Variants in CLUAP1 observed in about 807,000 individuals in gnomAD.
The protein encoded by CLUAP1 is clusterin-associated protein 1.
In CLUAP1, 50 loss-of-function variants were observed where a neutral mutation model predicts 55.0. The observed-to-expected ratio is 0.91, with a 90% CI of 0.72 to 1.15. The LOEUF (loss-of-function observed/expected upper bound fraction) is 1.15. Among genes scored for constraint, CLUAP1 ranks in the 50% most tolerant of loss-of-function variants. The pLI is 0.00. For synonymous variants in CLUAP1, 195 were observed against 175.4 expected, an observed-to-expected ratio of 1.11 and a Z score of -0.88; for missense variants, 530 against 507.6, an observed-to-expected ratio of 1.04 and a Z score of -0.42.
chr16:3,508,731 T>C (rs1472154703), intron 4 of CLUAP1, among the ~76,000 whole-genome samples: 1 of 152,212 alleles, frequency 6.6e-6, no homozygotes, highest in Non-Finnish European at 1.5e-5. Context: ...CGTGTGTTTA[T>C]TCTCTTCAGT....
intron 3 of CLUAP1, among the ~76,000 whole-genome samples, chr16:3,507,113 G>C (rs1596384299): frequency 6.6e-6 from 1 of 151,396 alleles, no homozygotes; most frequent in East Asian, 2.0e-4. Context: ...GGAGAATGGT[G>C]TGAACCTGGG....
upstream of CLUAP1, among the ~76,000 whole-genome samples, chr16:3,497,060 A>G (rs1596377405): frequency 6.6e-6 from 1 of 152,038 alleles, no homozygotes; most frequent in East Asian, 1.9e-4. Flanking sequence ...TAGTAGAGAC[A>G]GGCTTTCGCC....
At chr16:3,530,960 A>G (rs1293335845) in intron 10 of CLUAP1, among the ~76,000 whole-genome samples, 1 of 152,210 alleles carries the variant, frequency 6.6e-6, no homozygotes, top group Non-Finnish European at 1.5e-5. Context: ...CTCTCAGTGC[A>G]GTGATATACT....
chr16:3,521,086 G>A (rs990557882), intron 7 of CLUAP1, among the ~76,000 whole-genome samples: 15 of 151,694 alleles, frequency 9.9e-5, no homozygotes, highest in African/African-American at 2.7e-4. Context: ...CACAGGGAGC[G>A]CCCTGGCTCC....
chr16:3,517,779 T>A (rs896851597), intron 6 of CLUAP1, among the ~76,000 whole-genome samples: 2 of 152,202 alleles, frequency 1.3e-5, no homozygotes, highest in African/African-American at 4.8e-5. Context: ...CTGCCAACGA[T>A]GCATATCTGA....
intron 9 of CLUAP1, among the ~76,000 whole-genome samples, chr16:3,527,279 C>G (rs138922864): frequency 0.16 from 24,844 of 152,084 alleles, 2,500 homozygotes; most frequent in South Asian, 0.29. Context: ...ATTCCAATAT[C>G]ATAATAATCC....
intron 11 of CLUAP1, 76 bp from the exon 12 acceptor site, chr16:3,536,046 G>T: frequency 6.5e-7 from 1 of 1,543,146 alleles, no homozygotes. Context: ...TATAGAAAGG[G>T]AGGCAGAGAG....
intron 3 of CLUAP1, 144 bp from the exon 4 acceptor site, chr16:3,508,145 T>C (rs890555006): frequency 1.5e-6 from 1 of 660,090 alleles, no homozygotes; most frequent in Non-Finnish European, 2.5e-6. Context: ...CCACTCACAA[T>C]GTTTGAGTCA....
rs991365979 is a variant in CLUAP1 at position 3,520,019 on chromosome 16, G to T, written c.696G>T (p.Glu232Asp). 5.0e-6 allele frequency: 8 copies of T among 1,611,726 alleles called. No individual in the cohort carries two copies. In the African/African-American group the frequency reaches 6.7e-5, roughly 13 times the overall value. ...LELERNRKRL[E>D]TLQSVRPCFM... ...TGGAAAGAAATCGGAAGCGACTAGA[G>T]ACTCTGCAGAGTGTCAGGTAGATAT... The change falls in exon 7 of 12, where the codon GAG becomes GAT. Residue 232 changes from glutamate to aspartate, a missense_variant. Transcript: ENST00000576634.
upstream of CLUAP1, chr16:3,496,132 C>T (rs1386980942): frequency 1.0e-5 from 4 of 386,078 alleles, no homozygotes; most frequent in Non-Finnish European, 2.0e-5. Flanking sequence ...CAGAGCGAGA[C>T]TCCGTCTCAA....
upstream of CLUAP1, among the ~76,000 whole-genome samples, chr16:3,500,194 G>A (rs2037360511): frequency 6.6e-6 from 1 of 152,158 alleles, no homozygotes; most frequent in Non-Finnish European, 1.5e-5. Flanking sequence ...GAGCGGCTCA[G>A]GGCCCCTTTC....
chr16:3,528,995 A>G (rs909389724), intron 9 of CLUAP1, among the ~76,000 whole-genome samples: 19 of 152,032 alleles, frequency 1.2e-4, no homozygotes, highest in African/African-American at 3.6e-4. Context: ...GTAATTATAT[A>G]TTTTACATAA....
intron 5 of CLUAP1, 36 bp from the exon 6 acceptor site, chr16:3,515,472 C>T (rs1171443474): frequency 6.8e-7 from 1 of 1,477,090 alleles, no homozygotes. Flanking sequence ...AACTCCTTTT[C>T]TGAAAATATA....
chr16:3,534,630 G>A (rs1459368176), intron 11 of CLUAP1: 2 of 152,394 alleles, frequency 1.3e-5, no homozygotes, highest in South Asian at 4.1e-4. Context: ...TTGAGAAATG[G>A]TCAGGTCCTG....
At chr16:3,508,174 A>G in intron 3 of CLUAP1, 115 bp from the exon 4 acceptor site, 1 of 836,406 alleles carries the variant, frequency 1.2e-6, no homozygotes. Flanking sequence ...CTTTGCTTTT[A>G]TTAGGTTATA....
At chr16:3,499,774 C>T (rs1049036113), upstream of CLUAP1, among the ~76,000 whole-genome samples, 1 of 152,162 alleles carries the variant, frequency 6.6e-6, no homozygotes, top group African/African-American at 2.4e-5. Flanking sequence ...TTATGGGAGG[C>T]CATTGTTTTG....
intron 11 of CLUAP1, chr16:3,533,947 G>T (rs1250026989): frequency 6.6e-6 from 1 of 152,260 alleles, no homozygotes; most frequent in Non-Finnish European, 1.5e-5. Context: ...CAGAGCGAAT[G>T]CATTAGTCGC....
intron 1 of CLUAP1, among the ~76,000 whole-genome samples, chr16:3,503,305 G>A (rs2037443162): frequency 6.6e-6 from 1 of 152,164 alleles, no homozygotes; most frequent in South Asian, 2.1e-4. Flanking sequence ...TGGGACTACA[G>A]GTGCCCGCCA....
chr16:3,520,351 CACAGAACAAGGCCGAGTA>C (rs1326354667), intron 7 of CLUAP1, among the ~76,000 whole-genome samples: 2 of 151,296 alleles, frequency 1.3e-5, no homozygotes, highest in African/African-American at 2.4e-5. Context: ...CAGCCTGAGC[CACAGAACAAGGCCGAGTA>C]ACAGAACAAG....
Sources: allele counts gnomAD v4.1 joint callset (sites outside exome capture counted in the v4.1 genomes callset), GRCh38; gene constraint gnomAD v4.1.1; transcripts MANE v1.5; gene names NCBI Gene and HGNC (gene_info 2026-07-23, HGNC 2026-07-21).